The following NSRP1 variants were observed in gnomAD, a reference collection of about 807,000 sequenced individuals.
The protein encoded by NSRP1 is nuclear speckle splicing regulatory protein 1.
NSRP1 carries 24 observed loss-of-function variants against 54.7 expected under a neutral mutation model. The observed-to-expected ratio is 0.44, with a 90% confidence interval of 0.32 to 0.62. NSRP1 has a LOEUF of 0.62. Among genes scored for constraint, NSRP1 ranks in the 20% least tolerant of loss-of-function variants. The pLI, the probability that NSRP1 is intolerant of heterozygous loss-of-function variation, is 0.06. For missense variants in NSRP1, 596 were observed against 651.2 expected (o/e 0.92, Z 0.92); for synonymous variants, 210 against 213.8 (o/e 0.98, Z 0.15).
intron 1 of NSRP1, chr17:30,117,276 A>T: frequency 1.7e-6 from 1 of 589,678 alleles, no homozygotes. Flanking sequence ...TCAAGTCCTG[A>T]TTCCCGCCCT....
chr17:30,139,891 G>A (rs74600192), intron 2 of NSRP1, among the ~76,000 whole-genome samples: 2,577 of 152,282 alleles, frequency 0.017, 32 homozygotes, highest in Middle Eastern at 0.031. Context: ...GGGCGTGGTG[G>A]CAGCCACCTG....
chr17:30,127,963 TA>T (rs2071665631), intron 2 of NSRP1: 1 of 397,538 alleles, frequency 2.5e-6, no homozygotes, highest in South Asian at 1.3e-4. Flanking sequence ...GCCTCCCAAG[TA>T]GCTGGGACCA....
chr17:30,151,326 C>T (rs1031409453), intron 2 of NSRP1, among the ~76,000 whole-genome samples: 1 of 152,086 alleles, frequency 6.6e-6, no homozygotes, highest in African/African-American at 2.4e-5. Context: ...AACACCCGTG[C>T]AGCTGAAAAC....
chr17:30,125,582 C>G (rs1408416661), intron 2 of NSRP1, among the ~76,000 whole-genome samples: 1 of 152,214 alleles, frequency 6.6e-6, no homozygotes, highest in African/African-American at 2.4e-5. Flanking sequence ...GAGTCTAGCT[C>G]TGTCATCCAG....
rs555746383 is a variant in NSRP1, at chr17:30,117,001, C to G, written c.20+138C>G. On this transcript the variant is annotated intron_variant, in intron 1 of 6. Coordinates refer to ENST00000247026, the MANE Select transcript of NSRP1 (RefSeq NM_032141.4). Reference sequence around the variant, plus strand: ...TAGAGACGGGAAAAAACGAGAAGTCCTGAGGAACATAGATTCCCCTCCCCC... The same window carrying G: ...TAGAGACGGGAAAAAACGAGAAGTCGTGAGGAACATAGATTCCCCTCCCCC... The G allele has an allele frequency of 2.4e-4, 266 of 1,117,056 alleles. 1 individual carries two copies. The South Asian group carries it at 3.3e-3, about 14-fold the overall frequency. 69.2% of individuals were successfully genotyped at this position (1,117,056 alleles called of 1,614,324 possible).
intron 2 of NSRP1, among the ~76,000 whole-genome samples, chr17:30,160,562 G>A (rs1904478819): frequency 6.6e-6 from 1 of 151,932 alleles, no homozygotes; most frequent in Non-Finnish European, 1.5e-5. Context: ...TGTCCTTTAG[G>A]TTTTCCAGTT....
intron 2 of NSRP1, among the ~76,000 whole-genome samples, chr17:30,157,706 C>T (rs1904358993): frequency 6.6e-6 from 1 of 152,062 alleles, no homozygotes; most frequent in Non-Finnish European, 1.5e-5. Context: ...TTGTTCTATA[C>T]TCTATGTCCA....
At chr17:30,179,547 G>A (rs1482050608) in intron 5 of NSRP1, among the ~76,000 whole-genome samples, 47 of 152,120 alleles carry the variant, frequency 3.1e-4, no homozygotes, top group Admixed American at 3.1e-3. Flanking sequence ...TTCTCATTTT[G>A]TGGCTTTTGC....
intron 2 of NSRP1, among the ~76,000 whole-genome samples, chr17:30,129,175 A>T (rs1197020992): frequency 6.6e-6 from 1 of 152,080 alleles, no homozygotes; most frequent in East Asian, 1.9e-4. Flanking sequence ...ATGTAAAAAG[A>T]TATAACACAT....
intron 2 of NSRP1, among the ~76,000 whole-genome samples, chr17:30,130,619 G>A (rs1485084123): frequency 6.6e-6 from 1 of 151,910 alleles, no homozygotes; most frequent in Non-Finnish European, 1.5e-5. Flanking sequence ...ATTTTTTCTG[G>A]TACTTAATGT....
At chr17:30,177,298 G>T (rs73276867) in intron 3 of NSRP1, among the ~76,000 whole-genome samples, 2,396 of 152,130 alleles carry the variant, frequency 0.016, 63 homozygotes, top group African/African-American at 0.054. Context: ...TTGAAGCCTG[G>T]GAGGCAGAGG....
chr17:30,169,832 C>G (rs1363492995), intron 2 of NSRP1, among the ~76,000 whole-genome samples: 1 of 150,380 alleles, frequency 6.6e-6, no homozygotes, highest in African/African-American at 2.4e-5. Context: ...CTATTTTGTT[C>G]TGGTTATTAC....
chr17:30,184,503 C>T (rs1905431851), intron 6 of NSRP1, 112 bp from the exon 7 acceptor site: 1 of 1,350,620 alleles, frequency 7.4e-7, no homozygotes, highest in Non-Finnish European at 9.8e-7. Flanking sequence ...GTATATATCA[C>T]TATAGGTGTA....
At chr17:30,129,750 G>A (rs969362551) in intron 2 of NSRP1, among the ~76,000 whole-genome samples, 3 of 152,138 alleles carry the variant, frequency 2.0e-5, no homozygotes, top group Non-Finnish European at 4.4e-5. Context: ...CCTTACTTCT[G>A]TAGATATAGT....
chr17:30,147,168 G>A (rs1597605219), intron 2 of NSRP1, among the ~76,000 whole-genome samples: 1 of 115,020 alleles, frequency 8.7e-6, no homozygotes, highest in East Asian at 2.6e-4. Flanking sequence ...TGCTCTTATT[G>A]CCCAGGATGG....
At chr17:30,163,925 A>G (rs1481211769) in intron 2 of NSRP1, among the ~76,000 whole-genome samples, 1 of 152,004 alleles carries the variant, frequency 6.6e-6, no homozygotes, top group African/African-American at 2.4e-5. Context: ...ACCTCAGGTG[A>G]TCTGCCCTCC....
intron 2 of NSRP1, among the ~76,000 whole-genome samples, chr17:30,119,229 A>G (rs1335909821): frequency 1.3e-5 from 2 of 151,988 alleles, no homozygotes; most frequent in East Asian, 3.8e-4. Context: ...AGCTGGGGTT[A>G]CAGGTGCCTG....
chr17:30,162,622 A>G (rs1904561155), intron 2 of NSRP1, among the ~76,000 whole-genome samples: 1 of 152,226 alleles, frequency 6.6e-6, no homozygotes, highest in Non-Finnish European at 1.5e-5. Context: ...GCTAAGAGCC[A>G]TTTTGGATAA....
chr17:30,147,937 G>A (rs760263723), intron 2 of NSRP1, among the ~76,000 whole-genome samples: 1 of 151,746 alleles, frequency 6.6e-6, no homozygotes, highest in African/African-American at 2.4e-5. Flanking sequence ...CCAGCCTCCC[G>A]AGTAGCTGGG....
Sources: gnomAD v4.1 joint callset for allele counts (sites outside exome capture counted in the v4.1 genomes callset) on GRCh38, gnomAD v4.1.1 for gene constraint, MANE v1.5 for transcripts, NCBI Gene and HGNC (gene_info 2026-07-23, HGNC 2026-07-21) for gene names.